The following FAM133B variants were observed in gnomAD, a reference collection of about 807,000 sequenced individuals.
The protein encoded by FAM133B is family with sequence similarity 133 member B.
A neutral mutation model predicts 46.4 loss-of-function variants in FAM133B; 25 were observed. The observed-to-expected ratio is 0.54, with a 90% CI of 0.39 to 0.75. FAM133B has a LOEUF of 0.75. FAM133B is among the 30% of genes least tolerant of loss of function. FAM133B has a pLI of 0.00. For missense variants in FAM133B, 205 were observed against 277.6 expected (o/e 0.74, Z 1.86); for synonymous variants, 75 against 86.0 (o/e 0.87, Z 0.71).
intron 3 of FAM133B, among the ~76,000 whole-genome samples, chr7:92,578,997 G>A (rs1226419286): frequency 1.3e-5 from 2 of 152,080 alleles, no homozygotes; most frequent in African/African-American, 2.4e-5. Flanking sequence ...AGTTATCTAA[G>A]TCTTAGATGA....
rs372167866 is a variant in FAM133B at position 92,565,700 on chromosome 7, T to A, written c.657+314A>T. 8.3e-4 allele frequency: 215 copies of A among 260,440 alleles called. 5 individuals carry two copies. The South Asian group carries it at 0.015, about 18-fold the overall frequency. 16.1% of individuals were successfully genotyped at this position (260,440 alleles called of 1,614,324 possible). ...GGATGGTCTCGAGCTCCTGACCTCA[T>A]GATCCACCTGCCTCAGCCTCTCAAA... On this transcript the variant is annotated intron_variant, in intron 10 of 10. Coordinates refer to ENST00000445716, the MANE Select transcript of FAM133B (RefSeq NM_152789.4).
chr7:92,584,063 A>G (rs959564324), intron 1 of FAM133B, among the ~76,000 whole-genome samples: 1 of 150,334 alleles, frequency 6.7e-6, no homozygotes. Context: ...AAAAAAAAAA[A>G]AAAAAAAAAA....
At chr7:92,566,889 A>G (rs1585297275) in intron 9 of FAM133B, among the ~76,000 whole-genome samples, 1 of 152,282 alleles carries the variant, frequency 6.6e-6, no homozygotes, top group African/African-American at 2.4e-5. Context: ...TTTTATTTCA[A>G]TCTTTTTGAG....
At chr7:92,583,886 T>C (rs546042226) in intron 1 of FAM133B, among the ~76,000 whole-genome samples, 3 of 151,558 alleles carry the variant, frequency 2.0e-5, no homozygotes, top group East Asian at 3.9e-4. Context: ...CTGTCTCTAC[T>C]AAAAACACAA....
intron 7 of FAM133B, among the ~76,000 whole-genome samples, chr7:92,576,709 G>C (rs1448760070): frequency 6.6e-6 from 1 of 152,202 alleles, no homozygotes; most frequent in African/African-American, 2.4e-5. Flanking sequence ...CTGTGTGTCT[G>C]ACAATCCTGG....
At chr7:92,578,911 T>G (rs981954380) in intron 3 of FAM133B, among the ~76,000 whole-genome samples, 1 of 152,014 alleles carries the variant, frequency 6.6e-6, no homozygotes, top group African/African-American at 2.4e-5. Flanking sequence ...TAGCTGGGCA[T>G]AGTGGCCTGC....
Position 92,580,701 on chromosome 7 carries a change from C to T in FAM133B, c.122+805G>A, listed in dbSNP as rs1036278693. Reference sequence around the variant, plus strand: ...CTATCTGCTGAAACTCCAGTGAGTCCCTACGAGTTACTCAACCTGAGGGCT... The same window carrying T: ...CTATCTGCTGAAACTCCAGTGAGTCTCTACGAGTTACTCAACCTGAGGGCT... On this transcript the variant is annotated intron_variant, in intron 2 of 10. Transcript: ENST00000445716. Among the ~76,000 whole-genome samples the T allele has an allele frequency of 3.9e-5, 6 of 152,240 alleles. No homozygotes were observed. In the East Asian group the frequency reaches 1.2e-3, roughly 29 times the overall value.
chr7:92,572,651 G>A (rs1794566405), intron 8 of FAM133B, among the ~76,000 whole-genome samples: 1 of 152,150 alleles, frequency 6.6e-6, no homozygotes, highest in Admixed American at 6.5e-5. Flanking sequence ...CCCGGGAAGT[G>A]GAGGTTGCAG....
chr7:92,564,914 TAGC>T (rs780740732), intron 10 of FAM133B, among the ~76,000 whole-genome samples: 21 of 152,340 alleles, frequency 1.4e-4, no homozygotes, highest in Admixed American at 5.2e-4. Flanking sequence ...TTTGCATTAA[TAGC>T]AGAGTTTGGC....
At chr7:92,588,924 C>T (rs2116432177) in intron 1 of FAM133B, among the ~76,000 whole-genome samples, 1 of 152,308 alleles carries the variant, frequency 6.6e-6, no homozygotes, top group Non-Finnish European at 1.5e-5. Context: ...TGCCGCTAAG[C>T]TTCCTGTACA....
intron 3 of FAM133B, 28 bp from the exon 4 acceptor site, chr7:92,578,421 A>C: frequency 1.3e-6 from 2 of 1,593,192 alleles, no homozygotes; most frequent in Non-Finnish European, 1.7e-6. Context: ...ACACCATCAG[A>C]GACTATCTAA....
Position 92,579,206 on chromosome 7 carries a change from T to C in FAM133B, c.201+111A>G, listed in dbSNP as rs1585310522. ...GGCCTTACTTTGTTGCCCAGGCTGG[T>C]CATGAACTCCTGGCCTCCCGTTTCG... is the stretch of plus-strand genomic sequence containing the variant. On this transcript the variant is annotated intron_variant, in intron 3 of 10. Transcript: ENST00000445716. 3 of 837,964 alleles carry C rather than the reference T, an allele frequency of 3.6e-6. No homozygotes were observed. In the South Asian group the frequency reaches 4.9e-5, roughly 14 times the overall value. The allele number at this position is 837,964 out of a possible 1,614,324, so 51.9% of individuals were successfully genotyped here.
intron 1 of FAM133B, among the ~76,000 whole-genome samples, chr7:92,584,660 A>G (rs1301219629): frequency 6.6e-6 from 1 of 152,240 alleles, no homozygotes; most frequent in African/African-American, 2.4e-5. Context: ...TTTTTGTATA[A>G]ACTGTTATAC....
intron 8 of FAM133B, among the ~76,000 whole-genome samples, chr7:92,574,668 G>A (rs1030084334): frequency 1.3e-5 from 2 of 151,948 alleles, no homozygotes; most frequent in African/African-American, 2.4e-5. Context: ...CACTTTGGGA[G>A]GCCGAGGCGG....
intron 4 of FAM133B, 61 bp downstream of exon 4, chr7:92,578,254 TACAG>T: frequency 6.3e-7 from 1 of 1,596,934 alleles, no homozygotes; most frequent in Non-Finnish European, 8.6e-7. Context: ...AACAGTAGTA[TACAG>T]CATTATTATG....
chr7:92,575,908 C>T (rs1477351876), intron 7 of FAM133B, 87 bp from the exon 8 acceptor site: 1 of 528,938 alleles, frequency 1.9e-6, no homozygotes. Context: ...AAGTGATTTG[C>T]TCTATGACTG....
At chr7:92,567,581 A>G (rs1794394149) in intron 9 of FAM133B, among the ~76,000 whole-genome samples, 2 of 152,104 alleles carry the variant, frequency 1.3e-5, no homozygotes, top group South Asian at 2.1e-4. Flanking sequence ...AGGAAACAAT[A>G]TTTTTATTGT....
chr7:92,567,650 C>T (rs1336405941), intron 9 of FAM133B, among the ~76,000 whole-genome samples: 1 of 152,178 alleles, frequency 6.6e-6, no homozygotes, highest in Non-Finnish European at 1.5e-5. Flanking sequence ...TATATTTAGC[C>T]AGGCAGAGAT....
chr7:92,562,250 T>C lies in FAM133B; in HGVS notation c.*32A>G, dbSNP rs556522408. ...TGAAATTTCCTCAGACATTGCACTT[T>C]CTTTATAAGGGAATCCTGATTTTTC... On this transcript the variant is annotated 3_prime_UTR_variant, in exon 11 of 11. Coordinates refer to ENST00000445716, the MANE Select transcript of FAM133B (RefSeq NM_152789.4). The C allele has an allele frequency of 4.0e-6, 6 of 1,505,568 alleles. No individual in the cohort carries two copies. The South Asian group carries it at 7.8e-5, about 19-fold the overall frequency. 93.3% of individuals were successfully genotyped at this position (1,505,568 alleles called of 1,614,324 possible).
Sources: allele counts gnomAD v4.1 joint callset (sites outside exome capture counted in the v4.1 genomes callset), GRCh38; gene constraint gnomAD v4.1.1; transcripts MANE v1.5; gene names NCBI Gene and HGNC (gene_info 2026-07-23, HGNC 2026-07-21).